ASTN2: variants seen among roughly 807,000 people sequenced by gnomAD.
ASTN2 encodes the protein astrotactin-2.
Under a neutral mutation model 139.8 loss-of-function variants are expected in ASTN2, and 54 were observed. The ratio of observed to expected loss-of-function variants is 0.39; its 90% CI spans 0.31 to 0.48. The LOEUF (loss-of-function observed/expected upper bound fraction) is 0.48. Among genes scored for constraint, ASTN2 ranks in the 20% least tolerant of loss-of-function variants. ASTN2 has a pLI of 0.95. For synonymous variants in ASTN2, 756 were observed against 719.5 expected, an observed-to-expected ratio of 1.05 and a Z score of -0.81; for missense variants, 1,565 against 1,725.1, an observed-to-expected ratio of 0.91 and a Z score of 1.64.
At chr9:116,700,837 T>G in intron 16 of ASTN2, 1 of 167,028 alleles carries the variant, frequency 6.0e-6, no homozygotes. Flanking sequence ...TGCTTCCTTA[T>G]CTCACTGTGT....
At chr9:116,888,563 C>T (rs549426102) in intron 10 of ASTN2, among the ~76,000 whole-genome samples, 1 of 152,172 alleles carries the variant, frequency 6.6e-6, no homozygotes, top group Admixed American at 6.5e-5. Context: ...TGCTCTGTCA[C>T]CCAGGCTGGA....
intron 22 of ASTN2, among the ~76,000 whole-genome samples, chr9:116,432,720 G>A (rs988493993): frequency 9.2e-5 from 14 of 152,032 alleles, no homozygotes; most frequent in Non-Finnish European, 1.6e-4. Flanking sequence ...ACTTGTGGTC[G>A]GGAGTTCCAG....
intron 13 of ASTN2, among the ~76,000 whole-genome samples, chr9:116,798,189 T>A (rs1387292943): frequency 6.6e-6 from 1 of 152,178 alleles, no homozygotes; most frequent in African/African-American, 2.4e-5. Context: ...GAGAATCAGG[T>A]CAGCCCAGGA....
chr9:116,523,509 T>C (rs1197711254), intron 19 of ASTN2, among the ~76,000 whole-genome samples: 1 of 152,200 alleles, frequency 6.6e-6, no homozygotes, highest in Non-Finnish European at 1.5e-5. Flanking sequence ...ATCTCTGAGC[T>C]TCCACTTCCT....
At chr9:117,221,444 T>C (rs949075225) in intron 2 of ASTN2, among the ~76,000 whole-genome samples, 9 of 152,172 alleles carry the variant, frequency 5.9e-5, no homozygotes, top group African/African-American at 1.7e-4. Flanking sequence ...TATTTGACAA[T>C]GTGTCATTCA....
chr9:116,667,130 AT>A (rs1163983936), intron 16 of ASTN2, among the ~76,000 whole-genome samples: 1 of 151,118 alleles, frequency 6.6e-6, no homozygotes, highest in Non-Finnish European at 1.5e-5. Flanking sequence ...TAATTTTTGT[AT>A]TTTTAATAGA....
At chr9:116,797,832 T>C (rs1830741519) in intron 13 of ASTN2, among the ~76,000 whole-genome samples, 1 of 152,222 alleles carries the variant, frequency 6.6e-6, no homozygotes, top group African/African-American at 2.4e-5. Context: ...GTGTCAGGGT[T>C]GGATGCCATG....
At chr9:116,505,847 T>C (rs1850086916) in intron 19 of ASTN2, among the ~76,000 whole-genome samples, 1 of 152,144 alleles carries the variant, frequency 6.6e-6, no homozygotes, top group Non-Finnish European at 1.5e-5. Flanking sequence ...GCTTTGCTAT[T>C]GCTACATCCT....
At chr9:117,296,925 T>C (rs540494374) in intron 1 of ASTN2, among the ~76,000 whole-genome samples, 3 of 152,300 alleles carry the variant, frequency 2.0e-5, no homozygotes, top group South Asian at 4.2e-4. Context: ...TCATCAGTGA[T>C]TCTGGGTAGA....
In ASTN2 at chr9:116,718,235, G is replaced by A. The variant is rs549121863; in HGVS notation, c.2806+7536C>T. Among the ~76,000 whole-genome samples the A allele has an allele frequency of 2.4e-3, 359 of 152,292 alleles. 2 individuals carry two copies. The highest frequency in any genetic ancestry group is 7.9e-3 in the African/African-American group (330 of 41,562). The stretch of plus-strand genomic sequence containing the variant: ...CAAAAATGGGAAAAAAAAATCAGCA[G>A]AAGGCCAAGTGACAAAAGGATTGCA... On this transcript the variant is annotated intron_variant, in intron 16 of 22. Coordinates refer to ENST00000313400, the MANE Select transcript of ASTN2 (RefSeq NM_001365068.1).
chr9:116,720,304 G>C (rs553856064), intron 16 of ASTN2, among the ~76,000 whole-genome samples: 3 of 152,290 alleles, frequency 2.0e-5, no homozygotes, highest in South Asian at 2.1e-4. Context: ...TTTTAAAAGT[G>C]GCGACATGTA....
chr9:116,516,510 C>G (rs1368264737), intron 19 of ASTN2, among the ~76,000 whole-genome samples: 1 of 152,206 alleles, frequency 6.6e-6, no homozygotes, highest in Non-Finnish European at 1.5e-5. Flanking sequence ...GAAGGACTAG[C>G]TTGCAGCTCC....
rs113781089 is a variant in ASTN2 at position 117,401,961 on chromosome 9, G to A, written c.442+12536C>T. On this transcript the variant is annotated intron_variant, in intron 1 of 22. Coordinates refer to ENST00000313400, the MANE Select transcript of ASTN2 (RefSeq NM_001365068.1). ...TGGCATAAAGAAAGGACAGAGAAGG[G>A]AGAGGCAGCAGGAAGACCGGTTAGG... Among the ~76,000 whole-genome samples the A allele has an allele frequency of 2.9e-3, 445 of 152,354 alleles. 2 individuals carry two copies. The highest frequency in any genetic ancestry group is 5.0e-3 in the Admixed American group (76 of 15,312).
chr9:116,845,395 T>G (rs2132312655), intron 11 of ASTN2, among the ~76,000 whole-genome samples: 1 of 152,290 alleles, frequency 6.6e-6, no homozygotes, highest in African/African-American at 2.4e-5. Flanking sequence ...ACCATTCCTT[T>G]CTTGTGGAGG....
chr9:116,468,544 T>C (rs1408179555), intron 20 of ASTN2, among the ~76,000 whole-genome samples: 1 of 152,152 alleles, frequency 6.6e-6, no homozygotes, highest in African/African-American at 2.4e-5. Flanking sequence ...ATCTCCCTTC[T>C]TTCTTCCAAC....
intron 10 of ASTN2, among the ~76,000 whole-genome samples, chr9:116,948,940 C>T (rs987053796): frequency 2.6e-5 from 4 of 151,116 alleles, no homozygotes; most frequent in Non-Finnish European, 4.4e-5. Flanking sequence ...TACATGCACA[C>T]GCCACCACCA....
chr9:116,837,460 CCACAGG>C (rs1832038653), intron 11 of ASTN2, among the ~76,000 whole-genome samples: 1 of 152,138 alleles, frequency 6.6e-6, no homozygotes, highest in East Asian at 1.9e-4. Context: ...TAGGTTCCTC[CCACAGG>C]CTAGCCCTGC....
Position 116,698,141 on chromosome 9 carries a change from C to G in ASTN2, c.2806+27630G>C. 3 of 1,614,136 alleles carry G rather than the reference C, an allele frequency of 1.9e-6. No individual in the cohort carries two copies. Among genetic ancestry groups the G allele is most frequent in the Non-Finnish European group, 2.5e-6 (3 of 1,180,038 alleles). ...AGGCAGACCATCAGCCTCCTGGCCA[C>G]TGTACACTCCCTGTCAAAGAAGCAG... On this transcript the variant is annotated intron_variant, in intron 16 of 22. Coordinates refer to ENST00000313400, the MANE Select transcript of ASTN2 (RefSeq NM_001365068.1). The surrounding 1 kb of genome is among the most constrained non-coding windows in gnomAD (Gnocchi z 4.4).
At chr9:117,253,727 G>T (rs1833603748) in intron 2 of ASTN2, among the ~76,000 whole-genome samples, 1 of 152,186 alleles carries the variant, frequency 6.6e-6, no homozygotes, top group Non-Finnish European at 1.5e-5. Flanking sequence ...GGCAATATCT[G>T]ATGGTGTCAA....
Sources: gnomAD v4.1 joint callset for allele counts (sites outside exome capture counted in the v4.1 genomes callset) on GRCh38, gnomAD v4.1.1 for gene constraint, Gnocchi (gnomAD v3.1) non-coding constraint, MANE v1.5 for transcripts, NCBI Gene and HGNC (gene_info 2026-07-23, HGNC 2026-07-21) for gene names.